Variants in APPL2 observed in about 807,000 individuals in gnomAD.
The protein encoded by APPL2 is adaptor protein, phosphotyrosine interacting with PH domain and leucine zipper 2.
Under a neutral mutation model 92.7 loss-of-function variants are expected in APPL2, and 84 were observed. That is an observed-to-expected ratio of 0.91 (90% CI 0.76 to 1.09). The LOEUF is 1.09. APPL2 is among the 50% of genes least tolerant of loss of function. The probability of loss-of-function intolerance (pLI) is 0.00; values close to 1 mark genes in which losing one functional copy is unlikely to be tolerated. For synonymous variants in APPL2, 291 were observed against 291.0 expected, an observed-to-expected ratio of 1.00 and a Z score of 0.00; for missense variants, 736 against 824.5, an observed-to-expected ratio of 0.89 and a Z score of 1.31.
intron 8 of APPL2, 132 bp downstream of exon 8, chr12:105,206,929 C>A: frequency 8.2e-7 from 1 of 1,215,116 alleles, no homozygotes; most frequent in Non-Finnish European, 1.1e-6. Flanking sequence ...AGTGCTGAAT[C>A]CCACAAAGTA....
chr12:105,211,357 T>C (rs780491422), intron 4 of APPL2, 40 bp from the exon 5 acceptor site: 2 of 1,371,510 alleles, frequency 1.5e-6, no homozygotes, highest in Admixed American at 1.7e-5. Flanking sequence ...ATTAAATACA[T>C]TATTATTATT....
chr12:105,209,541 A>G (rs1182589435), intron 5 of APPL2, among the ~76,000 whole-genome samples: 1 of 152,218 alleles, frequency 6.6e-6, no homozygotes, highest in East Asian at 1.9e-4. Flanking sequence ...CCTGAAAGAC[A>G]TAAATCTGAC....
chr12:105,203,797 A>G lies in APPL2; in HGVS notation c.622-12T>C, dbSNP rs753134277. The G allele has an allele frequency of 1.8e-5, 29 of 1,601,556 alleles. No individual in the cohort carries two copies. The highest frequency in any genetic ancestry group is 2.1e-5 in the Non-Finnish European group (24 of 1,168,748). Reference sequence around the variant, plus strand: ...TTAAAAAAGTTAATCTGAAAGATATAATTATAATATTCTGAAAATCATCCA... The same window carrying G: ...TTAAAAAAGTTAATCTGAAAGATATGATTATAATATTCTGAAAATCATCCA... On this transcript the variant is annotated splice_polypyrimidine_tract_variant and intron_variant, in intron 8 of 20. Coordinates refer to ENST00000258530, the MANE Select transcript of APPL2 (RefSeq NM_018171.5).
intron 17 of APPL2, among the ~76,000 whole-genome samples, chr12:105,177,810 C>T (rs1424971438): frequency 6.6e-6 from 1 of 152,100 alleles, no homozygotes; most frequent in Non-Finnish European, 1.5e-5. Flanking sequence ...TTTATTTATT[C>T]TGAGAAGAGT....
At chr12:105,206,899 G>A in intron 8 of APPL2, 162 bp downstream of exon 8, 3 of 857,150 alleles carry the variant, frequency 3.5e-6, no homozygotes, top group Non-Finnish European at 5.1e-6. Flanking sequence ...AGATGACCCA[G>A]CTCAACTGGA....
chr12:105,220,777 A>G (rs1890038202), intron 2 of APPL2, among the ~76,000 whole-genome samples: 1 of 152,180 alleles, frequency 6.6e-6, no homozygotes, highest in South Asian at 2.1e-4. Flanking sequence ...AGGGGAGAGC[A>G]CTCATGTGCC....
chr12:105,180,385 A>T (rs1212560937), intron 17 of APPL2, among the ~76,000 whole-genome samples: 1 of 152,090 alleles, frequency 6.6e-6, no homozygotes, highest in African/African-American at 2.4e-5. Context: ...GTAGCCTTGT[A>T]GTATAGTTTG....
chr12:105,200,864 G>GTATGTATGTATC (rs757298388), intron 9 of APPL2, among the ~76,000 whole-genome samples: 117 of 135,062 alleles, frequency 8.7e-4, no homozygotes, highest in East Asian at 2.6e-3. Context: ...ATGTATGTAT[G>GTATGTATGTATC]TATCTATCTA....
At chr12:105,233,736 T>A (rs1566106964) in intron 1 of APPL2, among the ~76,000 whole-genome samples, 1 of 151,830 alleles carries the variant, frequency 6.6e-6, no homozygotes, top group Non-Finnish European at 1.5e-5. Context: ...GTTCCAGTCC[T>A]GGCTCTGTCA....
Position 105,203,735 on chromosome 12 carries a change from G to A in APPL2, c.672C>T (p.Ser224=). ...CCATGTCTGCAACGGAGGATAAAAAGCTGTCCATACGTTTGGAAAACATCT... is the reference window on the plus strand; with the variant it reads ...CCATGTCTGCAACGGAGGATAAAAAACTGTCCATACGTTTGGAAAACATCT... ...GAEMFSKRMD[S]FLSSVADMVQ... The change falls in exon 9 of 21, where the codon AGC becomes AGT. Residue 224 remains serine, a synonymous_variant. Transcript: ENST00000258530. The A allele has an allele frequency of 6.2e-7, 1 of 1,614,186 alleles. No homozygotes were observed. The highest frequency in any genetic ancestry group is 1.1e-5 in the South Asian group (1 of 91,082).
intron 20 of APPL2, 120 bp from the exon 21 acceptor site, chr12:105,174,568 A>G (rs1427992403): frequency 1.4e-5 from 15 of 1,057,282 alleles, no homozygotes; most frequent in Non-Finnish European, 1.8e-5. Context: ...TCTTGTGTAT[A>G]TGTGCCTTCC....
chr12:105,175,963 GAA>G, intron 20 of APPL2, 70 bp downstream of exon 20: 1 of 1,395,902 alleles, frequency 7.2e-7, no homozygotes, highest in South Asian at 1.4e-5. Context: ...TTTTCTTTTT[GAA>G]AAGACTCTTG....
intron 2 of APPL2, among the ~76,000 whole-genome samples, chr12:105,227,071 TA>T (rs1890564753): frequency 6.6e-6 from 1 of 151,280 alleles, no homozygotes; most frequent in Admixed American, 6.6e-5. Context: ...CAGTGAGGTA[TA>T]ATCATGCCAC....
intron 4 of APPL2, 22 bp from the exon 5 acceptor site, chr12:105,211,339 T>G (rs1159659723): frequency 6.6e-7 from 1 of 1,512,922 alleles, no homozygotes; most frequent in African/African-American, 1.4e-5. Flanking sequence ...AGAATGGTAT[T>G]CAAGTAAATT....
Position 105,211,570 on chromosome 12 carries a change from C to G in APPL2, c.286-253G>C, listed in dbSNP as rs563394138. ...CAGAGTGTCTGGGCCCACAGTTACC[C>G]TGTTCACTGGGCAGACTCTGCTTCT... On this transcript the variant is annotated intron_variant, in intron 4 of 20. Transcript: ENST00000258530. 1.4e-3 allele frequency among the ~76,000 whole-genome samples: 219 copies of G among 152,332 alleles called. 1 individual carries two copies. The highest frequency in any genetic ancestry group is 1.7e-3 in the Non-Finnish European group (114 of 68,034).
intron 14 of APPL2, among the ~76,000 whole-genome samples, chr12:105,193,734 T>C (rs970286002): frequency 1.3e-5 from 2 of 152,190 alleles, no homozygotes; most frequent in Non-Finnish European, 2.9e-5. Flanking sequence ...TTTAAAAACA[T>C]TTGTTTACGT....
chr12:105,179,849 T>C (rs1885937258), intron 17 of APPL2, among the ~76,000 whole-genome samples: 2 of 152,250 alleles, frequency 1.3e-5, no homozygotes, highest in African/African-American at 4.8e-5. Flanking sequence ...TGTGTTTAAG[T>C]TCTTTGTAGA....
intron 1 of APPL2, among the ~76,000 whole-genome samples, chr12:105,232,693 G>T (rs569243260): frequency 1.3e-5 from 2 of 150,014 alleles, no homozygotes; most frequent in Admixed American, 1.3e-4. Context: ...GAGCCCAGGA[G>T]GCTGAGGCTG....
At position 105,173,516 on chromosome 12, in the gene APPL2, G is replaced by A. The variant is rs1446189654; in HGVS notation, c.*798C>T. On this transcript the variant is annotated 3_prime_UTR_variant, in exon 21 of 21. Coordinates refer to ENST00000258530, the MANE Select transcript of APPL2 (RefSeq NM_018171.5). ...AGCCCCATGACCAGCTGTGCTTCAA[G>A]TGAGTTTTAAAATTAATTGGTCCCT... is the stretch of plus-strand genomic sequence containing the variant. 2 of 152,568 alleles carry A rather than the reference G, an allele frequency of 1.3e-5. No homozygotes were observed. Among genetic ancestry groups the A allele is most frequent in the African/African-American group, 4.8e-5 (2 of 41,420 alleles). 9.5% of individuals were successfully genotyped at this position (152,568 alleles called of 1,614,324 possible). A position where few individuals can be genotyped will look rare whatever the true frequency, so the allele number is the denominator to read the frequency against.
Sources: allele counts gnomAD v4.1 joint callset (sites outside exome capture counted in the v4.1 genomes callset), GRCh38; gene constraint gnomAD v4.1.1; transcripts MANE v1.5; gene names NCBI Gene and HGNC (gene_info 2026-07-23, HGNC 2026-07-21).